Variants in TNRC6B observed in about 807,000 individuals in gnomAD.
The protein encoded by TNRC6B is trinucleotide repeat-containing gene 6B protein.
A neutral mutation model predicts 203.6 loss-of-function variants in TNRC6B; 52 were observed. The observed-to-expected ratio is 0.26, with a 90% CI of 0.20 to 0.32. The LOEUF is 0.32. Ranked by LOEUF, TNRC6B falls within the 10% of genes least tolerant of loss-of-function variation. The probability of loss-of-function intolerance (pLI) is 1.00; values close to 1 mark genes in which losing one functional copy is unlikely to be tolerated. For missense variants in TNRC6B, 1,923 were observed against 2,286.2 expected (o/e 0.84, Z 3.24); for synonymous variants, 838 against 845.7 (o/e 0.99, Z 0.16).
intron 1 of TNRC6B, among the ~76,000 whole-genome samples, chr22:40,050,594 C>A (rs2067736315): frequency 1.3e-5 from 2 of 152,148 alleles, no homozygotes; most frequent in African/African-American, 4.8e-5. Flanking sequence ...CGTCCCACTA[C>A]CCCCATCCAC....
intron 3 of TNRC6B, among the ~76,000 whole-genome samples, chr22:40,144,006 A>G (rs2068668940): frequency 6.6e-6 from 1 of 152,188 alleles, no homozygotes; most frequent in African/African-American, 2.4e-5. Context: ...ACAAATTAAA[A>G]CTGTAATGTA....
At chr22:40,208,083 G>A (rs2069507487) in intron 1 of TNRC6B, among the ~76,000 whole-genome samples, 1 of 141,700 alleles carries the variant, frequency 7.1e-6, no homozygotes. Context: ...CGTCTCTCCA[G>A]CCTGGGCAAT....
chr22:40,314,866 A>G (rs2071236013), intron 19 of TNRC6B, among the ~76,000 whole-genome samples: 1 of 152,238 alleles, frequency 6.6e-6, no homozygotes, highest in Admixed American at 6.5e-5. Flanking sequence ...AGAAAAGTGT[A>G]ATTTACTAAT....
At chr22:40,144,676 G>GAAA (rs34160632) in intron 3 of TNRC6B, among the ~76,000 whole-genome samples, 4 of 97,310 alleles carry the variant, frequency 4.1e-5, no homozygotes, top group Non-Finnish European at 8.1e-5. Flanking sequence ...CTCCGTCTCG[G>GAAA]AAAAAAAAAA....
At chr22:40,134,758 G>C (rs895897143) in intron 3 of TNRC6B, among the ~76,000 whole-genome samples, 1 of 152,134 alleles carries the variant, frequency 6.6e-6, no homozygotes, top group Non-Finnish European at 1.5e-5. Context: ...AATTGTGACA[G>C]ATATACTAAG....
At chr22:40,186,152 C>A (rs1248963252) in intron 1 of TNRC6B, among the ~76,000 whole-genome samples, 1 of 151,922 alleles carries the variant, frequency 6.6e-6, no homozygotes, top group Non-Finnish European at 1.5e-5. Flanking sequence ...GAGAATGAGA[C>A]CTTGGGGACG....
At chr22:40,170,904 T>G (rs1454614189) in intron 4 of TNRC6B, among the ~76,000 whole-genome samples, 1 of 141,944 alleles carries the variant, frequency 7.0e-6, no homozygotes, top group Non-Finnish European at 1.5e-5. Context: ...TACCTATATA[T>G]GTGCATATAT....
intron 1 of TNRC6B, among the ~76,000 whole-genome samples, chr22:40,079,061 T>G (rs1413682833): frequency 6.6e-6 from 1 of 151,088 alleles, no homozygotes; most frequent in African/African-American, 2.4e-5. Context: ...GCGACAAGCA[T>G]GAAACTCTGT....
At chr22:40,190,860 G>C (rs1345451207) in intron 1 of TNRC6B, among the ~76,000 whole-genome samples, 2 of 152,162 alleles carry the variant, frequency 1.3e-5, no homozygotes, top group Non-Finnish European at 2.9e-5. Flanking sequence ...GTATAATCTA[G>C]GTCCTGTGTG....
At chr22:40,082,599 A>G (rs750077075) in intron 1 of TNRC6B, among the ~76,000 whole-genome samples, 3 of 152,202 alleles carry the variant, frequency 2.0e-5, no homozygotes, top group African/African-American at 7.2e-5. Flanking sequence ...AAGCCAGTCT[A>G]ATTTGCATTT....
rs1401358142 is a variant in TNRC6B, at chr22:40,330,246, A to G, written c.*7005A>G. The G allele has an allele frequency of 2.0e-5, 3 of 152,180 alleles. No homozygotes were observed. Among genetic ancestry groups the G allele is most frequent in the Non-Finnish European group, 4.4e-5 (3 of 68,032 alleles). The allele number at this position is 152,180 out of a possible 1,614,324, so 9.4% of individuals were successfully genotyped here. On this transcript the variant is annotated 3_prime_UTR_variant, in exon 23 of 23. Coordinates refer to ENST00000454349, the MANE Select transcript of TNRC6B (RefSeq NM_001162501.2). ...TACTGCTCACAGTAAGCTGCAAAAG[A>G]AAGTTGTCAAGGTGGCTTATGATGC...
rs61374373 is a variant in TNRC6B, at chr22:40,222,728, C to CTTTTTTTTTTTTTTT, written c.6-23268_6-23254dup. 3.6e-3 allele frequency among the ~76,000 whole-genome samples: 144 copies of CTTTTTTTTTTTTTTT among 40,210 alleles called. 21 individuals are homozygous for CTTTTTTTTTTTTTTT. The highest frequency in any genetic ancestry group is 0.023 in the Middle Eastern group (1 of 44). 26.4% of individuals were successfully genotyped at this position (40,210 alleles called of 152,430 possible). On this transcript the variant is annotated intron_variant, in intron 1 of 22. Coordinates refer to ENST00000454349, the MANE Select transcript of TNRC6B (RefSeq NM_001162501.2). The stretch of plus-strand genomic sequence containing the variant: ...ATCTTGCTGTATTCTCTCTCTCTCT[C>CTTTTTTTTTTTTTTT]TTTTTTTTTTTTTTTTTTTTTTTTT...
Position 40,277,062 on chromosome 22 carries a change from G to T in TNRC6B, c.3142-15G>T. On this transcript the variant is annotated splice_polypyrimidine_tract_variant and intron_variant, in intron 7 of 22. Coordinates refer to ENST00000454349, the MANE Select transcript of TNRC6B (RefSeq NM_001162501.2). The stretch of plus-strand genomic sequence containing the variant: ...AAATTATTTGGTTCTGAGGTTCCGT[G>T]TTTCATTTCTGTAGTGCTCACTCAA... 3 of 1,566,074 alleles carry T rather than the reference G, an allele frequency of 1.9e-6. No homozygotes were observed. The highest frequency in any genetic ancestry group is 2.6e-6 in the Non-Finnish European group (3 of 1,159,396).
At chr22:40,288,657 C>G (rs751473378) in intron 12 of TNRC6B, among the ~76,000 whole-genome samples, 4 of 152,046 alleles carry the variant, frequency 2.6e-5, no homozygotes, top group African/African-American at 4.8e-5. Context: ...ATTCTCCTGC[C>G]TCAGCCTCCC....
intron 3 of TNRC6B, chr22:40,253,540 T>C: frequency 6.6e-6 from 3 of 455,070 alleles, no homozygotes; most frequent in South Asian, 1.6e-5. Context: ...TTCTCATACC[T>C]ACTATATAAT....
intron 2 of TNRC6B, among the ~76,000 whole-genome samples, chr22:40,249,338 A>G (rs1411416056): frequency 6.6e-6 from 1 of 152,248 alleles, no homozygotes; most frequent in African/African-American, 2.4e-5. Flanking sequence ...ACTTACTTAA[A>G]GCTAAAACTA....
chr22:40,209,130 G>C (rs1401508721), intron 1 of TNRC6B, among the ~76,000 whole-genome samples: 2 of 152,120 alleles, frequency 1.3e-5, no homozygotes, highest in African/African-American at 2.4e-5. Flanking sequence ...TTCTCTTTCA[G>C]CTTTCATGCA....
upstream of TNRC6B, among the ~76,000 whole-genome samples, chr22:40,177,645 G>A (rs1284956868): frequency 6.6e-6 from 1 of 152,184 alleles, no homozygotes; most frequent in African/African-American, 2.4e-5. Flanking sequence ...AGATCCAGGA[G>A]CTGTAAGAAT....
intron 4 of TNRC6B, among the ~76,000 whole-genome samples, chr22:40,163,835 A>T (rs982313390): frequency 6.6e-6 from 1 of 152,016 alleles, no homozygotes; most frequent in African/African-American, 2.4e-5. Context: ...TTATTTTTTT[A>T]TTTTATTTAA....
Sources: gnomAD v4.1 joint callset for allele counts (sites outside exome capture counted in the v4.1 genomes callset) on GRCh38, gnomAD v4.1.1 for gene constraint, MANE v1.5 for transcripts, NCBI Gene and HGNC (gene_info 2026-07-23, HGNC 2026-07-21) for gene names.